The following RABGAP1L variants were observed in gnomAD, a reference collection of about 807,000 sequenced individuals.
The protein encoded by RABGAP1L is rab GTPase-activating protein 1-like.
RABGAP1L carries 63 observed loss-of-function variants against 137.7 expected under a neutral mutation model. The observed-to-expected ratio is 0.46, with a 90% CI of 0.37 to 0.56. The LOEUF (loss-of-function observed/expected upper bound fraction) is 0.56, where lower values mean the gene tolerates loss of function less well. RABGAP1L is among the 20% of genes least tolerant of loss of function. The pLI is 0.00. For synonymous variants in RABGAP1L, 431 were observed against 433.7 expected, an observed-to-expected ratio of 0.99 and a Z score of 0.08; for missense variants, 1,095 against 1,244.0, an observed-to-expected ratio of 0.88 and a Z score of 1.80.
intron 13 of RABGAP1L, among the ~76,000 whole-genome samples, chr1:174,611,400 G>T (rs1671237477): frequency 2.0e-5 from 3 of 151,976 alleles, no homozygotes; most frequent in Non-Finnish European, 2.9e-5. Context: ...GCTCTGTTCT[G>T]TTCCATTGGT....
At chr1:174,271,919 C>T (rs1674588806) in intron 7 of RABGAP1L, among the ~76,000 whole-genome samples, 1 of 151,598 alleles carries the variant, frequency 6.6e-6, no homozygotes, top group South Asian at 2.1e-4. Context: ...TAACATGCTA[C>T]TTAGTGAACA....
intron 13 of RABGAP1L, among the ~76,000 whole-genome samples, chr1:174,457,342 A>G (rs78145404): frequency 0.018 from 2,706 of 152,232 alleles, 70 homozygotes; most frequent in African/African-American, 0.062. Context: ...CTTTATGTGG[A>G]TTATATCTGA....
chr1:174,587,723 T>C (rs1157202275), intron 13 of RABGAP1L, among the ~76,000 whole-genome samples: 4 of 152,150 alleles, frequency 2.6e-5, no homozygotes, highest in Non-Finnish European at 5.9e-5. Flanking sequence ...AGTAGGTATA[T>C]ATATTTATGG....
chr1:174,498,289 A>G (rs1660926688), intron 13 of RABGAP1L, among the ~76,000 whole-genome samples: 2 of 152,140 alleles, frequency 1.3e-5, no homozygotes, highest in African/African-American at 2.4e-5. Context: ...AATATTAACC[A>G]TACGTGATTA....
intron 17 of RABGAP1L, among the ~76,000 whole-genome samples, chr1:174,738,726 G>C (rs1258444324): frequency 6.6e-6 from 1 of 152,160 alleles, no homozygotes; most frequent in African/African-American, 2.4e-5. Context: ...CTGCTCTAAA[G>C]CTTTTGATTT....
chr1:174,504,021 G>A (rs111902308), intron 13 of RABGAP1L, among the ~76,000 whole-genome samples: 107 of 150,102 alleles, frequency 7.1e-4, no homozygotes, highest in Non-Finnish European at 1.3e-4. Flanking sequence ...TACTTAGGCT[G>A]GAGTGCAGTG....
intron 7 of RABGAP1L, among the ~76,000 whole-genome samples, chr1:174,257,287 C>G (rs1449688045): frequency 6.6e-6 from 1 of 152,118 alleles, no homozygotes; most frequent in Non-Finnish European, 1.5e-5. Context: ...ATTTTAAAAT[C>G]TTGGACTTTT....
rs552686537 is a variant in RABGAP1L, at chr1:174,875,664, G to A, written c.2340+63704G>A. On this transcript the variant is annotated intron_variant, in intron 19 of 25. Coordinates refer to ENST00000681986, the MANE Select transcript of RABGAP1L (RefSeq NM_001366446.1). ...TCTGGTGCTGGTGAATGCATGAAGAGGTTCACAGTATCTTTTAAAGTACTT... is the reference window on the plus strand; with the variant it reads ...TCTGGTGCTGGTGAATGCATGAAGAAGTTCACAGTATCTTTTAAAGTACTT... 71 of 985,360 alleles carry A rather than the reference G, an allele frequency of 7.2e-5. No homozygotes were observed. In the African/African-American group the frequency reaches 1.1e-3, roughly 15 times the overall value. The allele number at this position is 985,360 out of a possible 1,614,324, so 61.0% of individuals were successfully genotyped here. A position where few individuals can be genotyped will look rare whatever the true frequency, so the allele number is the denominator to read the frequency against.
At chr1:174,231,762 C>A (rs948441583) in intron 4 of RABGAP1L, among the ~76,000 whole-genome samples, 1 of 151,964 alleles carries the variant, frequency 6.6e-6, no homozygotes, top group Admixed American at 6.6e-5. Flanking sequence ...GGAGCAAGAG[C>A]GAGAAGGGGG....
chr1:174,416,040 A>ACATATACATACC (rs1650550777), intron 13 of RABGAP1L, among the ~76,000 whole-genome samples: 2 of 148,420 alleles, frequency 1.3e-5, no homozygotes, highest in African/African-American at 5.1e-5. Flanking sequence ...ATATATACAC[A>ACATATACATACC]CACATTTTTT....
chr1:174,584,341 C>G (rs1323906426), intron 13 of RABGAP1L, among the ~76,000 whole-genome samples: 1 of 152,172 alleles, frequency 6.6e-6, no homozygotes, highest in Non-Finnish European at 1.5e-5. Context: ...GACCATGCCC[C>G]TGTTTGTGCT....
chr1:174,421,038 G>T (rs1651227247), intron 13 of RABGAP1L, among the ~76,000 whole-genome samples: 1 of 152,154 alleles, frequency 6.6e-6, no homozygotes, highest in Non-Finnish European at 1.5e-5. Context: ...TTAAGGACAA[G>T]ATCCCATTGT....
chr1:174,590,130 T>C (rs1311904168), intron 13 of RABGAP1L, among the ~76,000 whole-genome samples: 8 of 111,086 alleles, frequency 7.2e-5, no homozygotes, highest in Middle Eastern at 4.3e-3. Flanking sequence ...TTTCTTTTTT[T>C]TTTTTTTTTT....
intron 10 of RABGAP1L, among the ~76,000 whole-genome samples, chr1:174,303,908 C>T (rs992355467): frequency 2.0e-5 from 3 of 152,020 alleles, no homozygotes; most frequent in Admixed American, 6.6e-5. Context: ...AATCTGTATA[C>T]TTTTTCTTGC....
At chr1:174,294,493 G>A (rs1314556275) in intron 10 of RABGAP1L, among the ~76,000 whole-genome samples, 1 of 152,166 alleles carries the variant, frequency 6.6e-6, no homozygotes, top group African/African-American at 2.4e-5. Flanking sequence ...ACTCTGAACA[G>A]ATAGATAGGT....
At chr1:174,720,830 T>C (rs937199498) in intron 17 of RABGAP1L, among the ~76,000 whole-genome samples, 1 of 152,118 alleles carries the variant, frequency 6.6e-6, no homozygotes, top group African/African-American at 2.4e-5. Context: ...GTTCAGGAAT[T>C]AGGTAGTGAT....
intron 20 of RABGAP1L, among the ~76,000 whole-genome samples, chr1:174,962,261 A>G (rs1669219215): frequency 6.7e-6 from 1 of 149,048 alleles, no homozygotes; most frequent in African/African-American, 2.5e-5. Context: ...AGCATAATAA[A>G]GGTTACCTGT....
At chr1:174,309,144 A>G (rs1348448335) in intron 11 of RABGAP1L, among the ~76,000 whole-genome samples, 2 of 151,988 alleles carry the variant, frequency 1.3e-5, no homozygotes, top group Non-Finnish European at 2.9e-5. Flanking sequence ...TGGGATTTAA[A>G]TGGGGTTTAA....
Position 174,562,168 on chromosome 1 carries a change from A to C in RABGAP1L, c.1711-75207A>C, listed in dbSNP as rs150002464. On this transcript the variant is annotated intron_variant, in intron 13 of 25. Coordinates refer to ENST00000681986, the MANE Select transcript of RABGAP1L (RefSeq NM_001366446.1). ...TTAAACAGATTTACAAGAAACAAAC[A>C]ATCCCATCAAAAAGTGGGCAAAGCA... Among the ~76,000 whole-genome samples, 50 of 152,326 alleles carry C rather than the reference A, an allele frequency of 3.3e-4. 1 individual carries two copies. The East Asian group carries it at 8.1e-3, about 25-fold the overall frequency.
Sources: allele counts gnomAD v4.1 joint callset (sites outside exome capture counted in the v4.1 genomes callset), GRCh38; gene constraint gnomAD v4.1.1; transcripts MANE v1.5; gene names NCBI Gene and HGNC (gene_info 2026-07-23, HGNC 2026-07-21).